The following KIF6 variants were observed in gnomAD, a reference collection of about 807,000 sequenced individuals.
KIF6 encodes the protein kinesin-like protein KIF6.
A neutral mutation model predicts 112.7 loss-of-function variants in KIF6; 106 were observed. That is an observed-to-expected ratio of 0.94 (90% CI 0.80 to 1.11). KIF6 has a LOEUF of 1.11. Ranked by LOEUF, KIF6 falls within the 50% of genes least tolerant of loss-of-function variation. The pLI, the probability that KIF6 is intolerant of heterozygous loss-of-function variation, is 0.00. For missense variants in KIF6, 929 were observed against 964.0 expected, an observed-to-expected ratio of 0.96 and a Z score of 0.48; for synonymous variants, 339 against 339.9, an observed-to-expected ratio of 1.00 and a Z score of 0.03.
chr6:39,331,780 C>T lies in KIF6; in HGVS notation c.*4752G>A, dbSNP rs1762745556. On this transcript the variant is annotated 3_prime_UTR_variant, in exon 23 of 23. Transcript: ENST00000287152. Reference sequence around the variant, plus strand: ...GAACTTAGCACAATGGATGGCACATCCTTGTCAAAACAATGACCAGATGAA... The same window carrying T: ...GAACTTAGCACAATGGATGGCACATTCTTGTCAAAACAATGACCAGATGAA... The T allele has an allele frequency of 6.6e-6, 1 of 152,342 alleles. No individual in the cohort carries two copies. 9.4% of individuals were successfully genotyped at this position (152,342 alleles called of 1,614,324 possible).
chr6:39,662,374 G>A (rs1174011444), intron 3 of KIF6, among the ~76,000 whole-genome samples: 1 of 152,166 alleles, frequency 6.6e-6, no homozygotes, highest in Non-Finnish European at 1.5e-5. Context: ...ATGTGTAAAT[G>A]AGGTTTAAAA....
intron 3 of KIF6, among the ~76,000 whole-genome samples, chr6:39,685,738 A>G (rs1039690869): frequency 1.3e-5 from 2 of 152,234 alleles, no homozygotes; most frequent in Non-Finnish European, 2.9e-5. Context: ...GAAGGCTTAA[A>G]TGGTGTTTCT....
At chr6:39,485,407 A>G (rs1775052992) in intron 13 of KIF6, among the ~76,000 whole-genome samples, 1 of 152,086 alleles carries the variant, frequency 6.6e-6, no homozygotes, top group Non-Finnish European at 1.5e-5. Flanking sequence ...GCTTTTCTTC[A>G]CAGCACTCAT....
chr6:39,372,990 A>T (rs1397563407), intron 16 of KIF6, among the ~76,000 whole-genome samples: 2 of 152,228 alleles, frequency 1.3e-5, no homozygotes, highest in African/African-American at 4.8e-5. Context: ...TGTTCCTAGG[A>T]AACACCGAGG....
intron 13 of KIF6, among the ~76,000 whole-genome samples, chr6:39,495,664 G>A (rs1775741333): frequency 6.6e-6 from 1 of 152,216 alleles, no homozygotes; most frequent in African/African-American, 2.4e-5. Flanking sequence ...AGTTGTATGG[G>A]TGGATTAAAA....
At chr6:39,586,512 A>C in intron 7 of KIF6, 108 bp from the exon 8 acceptor site, 3 of 854,506 alleles carry the variant, frequency 3.5e-6, no homozygotes, top group Non-Finnish European at 5.7e-6. Context: ...TAATAACTAA[A>C]TGCACGGTGA....
chr6:39,462,749 C>A (rs950810158), intron 13 of KIF6, among the ~76,000 whole-genome samples: 3 of 151,934 alleles, frequency 2.0e-5, no homozygotes, highest in Non-Finnish European at 4.4e-5. Flanking sequence ...TTGTATTTTC[C>A]ATAGTAGTTT....
At chr6:39,691,448 T>C (rs1346526636) in intron 3 of KIF6, 1 of 152,198 alleles carries the variant, frequency 6.6e-6, no homozygotes, top group African/African-American at 2.4e-5. Flanking sequence ...GACCTTGAAG[T>C]TCCTTTCAAC....
intron 13 of KIF6, among the ~76,000 whole-genome samples, chr6:39,536,700 C>G (rs900621071): frequency 6.8e-6 from 1 of 146,700 alleles, no homozygotes; most frequent in African/African-American, 2.6e-5. Flanking sequence ...AGGGAATCCT[C>G]CCTAACTCAT....
intron 6 of KIF6, among the ~76,000 whole-genome samples, chr6:39,612,849 T>C (rs781261046): frequency 4.6e-5 from 7 of 152,164 alleles, no homozygotes; most frequent in Non-Finnish European, 1.0e-4. Context: ...AATTAAGACA[T>C]GTAATACATT....
chr6:39,643,536 T>C (rs1785014216), intron 3 of KIF6, among the ~76,000 whole-genome samples: 1 of 152,190 alleles, frequency 6.6e-6, no homozygotes, highest in African/African-American at 2.4e-5. Context: ...GATCAGTTGA[T>C]TTTCAACAAG....
chr6:39,522,284 G>T (rs1777442895), intron 13 of KIF6, among the ~76,000 whole-genome samples: 1 of 152,022 alleles, frequency 6.6e-6, no homozygotes, highest in Non-Finnish European at 1.5e-5. Flanking sequence ...TGTAACATTT[G>T]GTCCCACTAC....
intron 13 of KIF6, among the ~76,000 whole-genome samples, chr6:39,502,874 G>A (rs945305709): frequency 6.6e-6 from 1 of 152,036 alleles, no homozygotes; most frequent in Non-Finnish European, 1.5e-5. Flanking sequence ...CAAGAGACTT[G>A]GGCTTCACAC....
chr6:39,361,430 G>A (rs904981900), intron 17 of KIF6, among the ~76,000 whole-genome samples: 2 of 151,754 alleles, frequency 1.3e-5, no homozygotes, highest in African/African-American at 4.8e-5. Context: ...GTTGTGGTGC[G>A]TGGCTGTAAT....
intron 15 of KIF6, among the ~76,000 whole-genome samples, chr6:39,416,873 G>T (rs965179682): frequency 6.6e-6 from 1 of 152,124 alleles, no homozygotes; most frequent in Non-Finnish European, 1.5e-5. Context: ...TTTCTTCTCT[G>T]CAGGCCAATT....
chr6:39,438,463 A>T (rs1771700697), intron 13 of KIF6, among the ~76,000 whole-genome samples: 1 of 152,218 alleles, frequency 6.6e-6, no homozygotes, highest in African/African-American at 2.4e-5. Flanking sequence ...GGTGGAAGAC[A>T]GTGACACTGA....
intron 13 of KIF6, among the ~76,000 whole-genome samples, chr6:39,516,126 G>A (rs1015739918): frequency 6.6e-6 from 1 of 152,068 alleles, no homozygotes; most frequent in Non-Finnish European, 1.5e-5. Context: ...AACACTTCTG[G>A]TTTCAAGCAT....
intron 3 of KIF6, among the ~76,000 whole-genome samples, chr6:39,648,205 G>C (rs982339089): frequency 3.9e-5 from 4 of 101,590 alleles, no homozygotes; most frequent in African/African-American, 1.6e-4. Flanking sequence ...TGTATTTTTA[G>C]TAGAGACGGG....
rs114848891 is a variant in KIF6, at chr6:39,698,097, T to G, written c.251+16595A>C. 9.7e-3 allele frequency among the ~76,000 whole-genome samples: 1,481 copies of G among 152,342 alleles called. 28 individuals carry two copies. The highest frequency in any genetic ancestry group is 0.034 in the African/African-American group (1,395 of 41,578). The stretch of plus-strand genomic sequence containing the variant: ...GCCATGATTTTCATCCTTCTAATTA[T>G]TTTTCAAGAAGCTAATTCAGTTTTT... On this transcript the variant is annotated intron_variant, in intron 3 of 22. Transcript: ENST00000287152.
Sources: allele counts gnomAD v4.1 joint callset (sites outside exome capture counted in the v4.1 genomes callset), GRCh38; gene constraint gnomAD v4.1.1; transcripts MANE v1.5; gene names NCBI Gene and HGNC (gene_info 2026-07-23, HGNC 2026-07-21).